The following SMAD9 variants were observed in gnomAD, a reference collection of about 807,000 sequenced individuals.
SMAD9 encodes the protein SMAD family member 9.
In SMAD9, 36 loss-of-function variants were observed where a neutral mutation model predicts 46.1. The ratio of observed to expected loss-of-function variants is 0.78; its 90% CI spans 0.60 to 1.03. The LOEUF is 1.03. Ranked by LOEUF, SMAD9 falls within the 50% of genes least tolerant of loss-of-function variation. SMAD9 has a pLI of 0.00. For synonymous variants in SMAD9, 245 were observed against 237.1 expected, an observed-to-expected ratio of 1.03 and a Z score of -0.31; for missense variants, 572 against 599.8, an observed-to-expected ratio of 0.95 and a Z score of 0.48.
At chr13:36,918,958 T>G (rs2058719365) in intron 1 of SMAD9, among the ~76,000 whole-genome samples, 2 of 152,128 alleles carry the variant, frequency 1.3e-5, no homozygotes, top group Admixed American at 6.5e-5. Context: ...TAACCTACAT[T>G]TCCAAAAGAT....
At chr13:36,914,312 G>A (rs546335524) in intron 1 of SMAD9, among the ~76,000 whole-genome samples, 1 of 152,194 alleles carries the variant, frequency 6.6e-6, no homozygotes, top group Non-Finnish European at 1.5e-5. Flanking sequence ...GAGGTCAGGA[G>A]ATCGAGACCA....
chr13:36,869,665 C>T (rs967822775), intron 3 of SMAD9, among the ~76,000 whole-genome samples: 6 of 152,032 alleles, frequency 3.9e-5, no homozygotes, highest in African/African-American at 1.4e-4. Context: ...CCCGTCTCTA[C>T]TAAATACAAA....
At chr13:36,873,657 G>A (rs1265884282) in intron 2 of SMAD9, among the ~76,000 whole-genome samples, 1 of 152,180 alleles carries the variant, frequency 6.6e-6, no homozygotes, top group Non-Finnish European at 1.5e-5. Flanking sequence ...GAGATCAGGA[G>A]TTTGAGACCA....
chr13:36,854,469 G>C (rs533848378), intron 5 of SMAD9, among the ~76,000 whole-genome samples: 1 of 152,220 alleles, frequency 6.6e-6, no homozygotes, highest in East Asian at 1.9e-4. Context: ...CCGGGCTCAG[G>C]TGATTCTCCT....
intron 5 of SMAD9, among the ~76,000 whole-genome samples, chr13:36,855,647 T>C (rs1309314202): frequency 6.6e-6 from 1 of 152,208 alleles, no homozygotes; most frequent in African/African-American, 2.4e-5. Context: ...CTCGTGTGCA[T>C]GACTCTGAAT....
At chr13:36,911,689 C>G (rs980074814) in intron 1 of SMAD9, among the ~76,000 whole-genome samples, 1 of 147,386 alleles carries the variant, frequency 6.8e-6, no homozygotes, top group African/African-American at 2.5e-5. Flanking sequence ...AACTGCTGTT[C>G]GGGGAAGCTC....
At chr13:36,894,255 A>G (rs887699895) in intron 1 of SMAD9, among the ~76,000 whole-genome samples, 6 of 152,122 alleles carry the variant, frequency 3.9e-5, no homozygotes, top group African/African-American at 1.4e-4. Flanking sequence ...GAGATAATTG[A>G]ATCATGAGGG....
chr13:36,885,051 C>T (rs954029208), intron 1 of SMAD9, among the ~76,000 whole-genome samples: 4 of 152,156 alleles, frequency 2.6e-5, no homozygotes, highest in Admixed American at 2.6e-4. Flanking sequence ...CCCGCTAATC[C>T]ATGACCAGCA....
intron 6 of SMAD9, among the ~76,000 whole-genome samples, chr13:36,851,178 T>C (rs77399411): frequency 0.015 from 2,296 of 152,318 alleles, 19 homozygotes; most frequent in Middle Eastern, 0.041. Context: ...GCTGAACTCG[T>C]AGCAGAGGTT....
intron 1 of SMAD9, among the ~76,000 whole-genome samples, chr13:36,914,926 T>C (rs1168370121): frequency 6.6e-6 from 1 of 152,244 alleles, no homozygotes; most frequent in Non-Finnish European, 1.5e-5. Context: ...CATTAACCAT[T>C]GCACAATTAT....
intron 2 of SMAD9, among the ~76,000 whole-genome samples, chr13:36,875,494 A>G (rs79282117): frequency 0.027 from 4,051 of 152,298 alleles, 159 homozygotes; most frequent in African/African-American, 0.085. Context: ...CAAACATTCA[A>G]CATCACCATC....
chr13:36,877,297 G>A (rs994432650), intron 2 of SMAD9, among the ~76,000 whole-genome samples: 4 of 152,176 alleles, frequency 2.6e-5, no homozygotes, highest in African/African-American at 9.7e-5. Context: ...GGGAGGTGAC[G>A]GTTGCAGTGA....
chr13:36,859,980 A>C (rs906089978), intron 5 of SMAD9, among the ~76,000 whole-genome samples: 1 of 151,954 alleles, frequency 6.6e-6, no homozygotes, highest in African/African-American at 2.4e-5. Context: ...AAGAAAAAAG[A>C]AAAAAAAGAA....
intron 1 of SMAD9, among the ~76,000 whole-genome samples, chr13:36,897,219 G>A (rs1226730805): frequency 6.6e-6 from 1 of 152,132 alleles, no homozygotes; most frequent in East Asian, 1.9e-4. Flanking sequence ...ATCACCCACA[G>A]TTCCCAAACC....
Position 36,845,230 on chromosome 13 carries a change from G to C in SMAD9, c.*3446C>G. ...TTTGTTGCTGTTTTGTTGCTGTTATGGGAACATCCATATCCTTAGAAGACA... is the reference window on the plus strand; with the variant it reads ...TTTGTTGCTGTTTTGTTGCTGTTATCGGAACATCCATATCCTTAGAAGACA... On this transcript the variant is annotated 3_prime_UTR_variant, in exon 7 of 7. Coordinates refer to ENST00000379826, the MANE Select transcript of SMAD9 (RefSeq NM_001127217.3). 1 of 151,834 alleles carries C rather than the reference G, an allele frequency of 6.6e-6. No homozygotes were observed. The highest frequency in any genetic ancestry group is 1.5e-5 in the Non-Finnish European group (1 of 68,002). The allele number at this position is 151,834 out of a possible 1,614,324, so 9.4% of individuals were successfully genotyped here.
chr13:36,879,768 G>C lies in SMAD9; in HGVS notation c.-79C>G. 16 of 1,551,694 alleles carry C rather than the reference G, an allele frequency of 1.0e-5. No homozygotes were observed. The highest frequency in any genetic ancestry group is 1.4e-5 in the Non-Finnish European group (16 of 1,132,990). On this transcript the variant is annotated 5_prime_UTR_variant, in exon 2 of 7. Transcript: ENST00000379826. Reference sequence around the variant, plus strand: ...AAAGTGGGCGGCGAGTAGCTCTCCAGGGGTGGCATAGGGACCAACCCGCCC... The same window carrying C: ...AAAGTGGGCGGCGAGTAGCTCTCCACGGGTGGCATAGGGACCAACCCGCCC...
At chr13:36,873,883 C>G (rs570787073) in intron 2 of SMAD9, among the ~76,000 whole-genome samples, 1 of 152,226 alleles carries the variant, frequency 6.6e-6, no homozygotes, top group South Asian at 2.1e-4. Flanking sequence ...AAATAAGCAG[C>G]AATAACAAAA....
intron 4 of SMAD9, among the ~76,000 whole-genome samples, chr13:36,866,059 C>T (rs2058231272): frequency 6.6e-6 from 1 of 151,990 alleles, no homozygotes; most frequent in Non-Finnish European, 1.5e-5. Context: ...AACAGATGAA[C>T]ATAAAAAAAC....
chr13:36,861,481 A>AT (rs1322567317), intron 5 of SMAD9, among the ~76,000 whole-genome samples: 2 of 150,910 alleles, frequency 1.3e-5, no homozygotes, highest in Non-Finnish European at 3.0e-5. Flanking sequence ...CACCCGGCTA[A>AT]TTTTTTGTAT....
Sources: allele counts gnomAD v4.1 joint callset (sites outside exome capture counted in the v4.1 genomes callset), GRCh38; gene constraint gnomAD v4.1.1; transcripts MANE v1.5; gene names NCBI Gene and HGNC (gene_info 2026-07-23, HGNC 2026-07-21).